The following LINC00632 variants were observed in gnomAD, a reference collection of about 807,000 sequenced individuals.
LINC00632 encodes the protein long independently transcribed non-coding RNA 632.
At chrX:140,783,636 A>G in exon 5 of LINC00632, 1 of 1,210,210 alleles carries the variant, frequency 8.3e-7, no homozygotes, top group Non-Finnish European at 1.1e-6. Flanking sequence ...CCAGTCAATC[A>G]GTGTCTTCCA....
At chrX:140,788,903 A>G (rs76440531) in exon 5 of LINC00632, among the ~76,000 whole-genome samples, 74 of 3,926 alleles carry the variant, frequency 0.019, no homozygotes, top group Middle Eastern at 0.25. Flanking sequence ...ATATATGTGT[A>G]TATATATATA....
At chrX:140,765,895 G>A (rs1178686546) in intron 3 of LINC00632, among the ~76,000 whole-genome samples, 4 of 112,008 alleles carry the variant, frequency 3.6e-5, no homozygotes, top group Non-Finnish European at 5.6e-5. Flanking sequence ...GAAAAATGAG[G>A]TAAGAGGAAG....
At position 140,783,493 on chromosome X, in the gene LINC00632, T is replaced by C. The variant is rs755628834; in HGVS notation, n.11512T>C. The C allele has an allele frequency of 9.1e-5, 86 of 949,944 alleles. No individual in the cohort carries two copies. The South Asian group carries it at 2.0e-3, about 22-fold the overall frequency. The allele number at this position is 949,944 out of a possible 1,213,427, so 78.3% of individuals were successfully genotyped here. On this transcript the variant is annotated non_coding_transcript_exon_variant, in exon 5 of 5. Coordinates refer to ENST00000648200, the Ensembl canonical transcript of LINC00632. ...CAAGGTCTTCCATCAAATACAGATCTTCCAGCTAATCCATGTCTTCCAGAA... is the reference window on the plus strand; with the variant it reads ...CAAGGTCTTCCATCAAATACAGATCCTCCAGCTAATCCATGTCTTCCAGAA...
At chrX:140,728,444 A>T (rs1931002076) in intron 2 of LINC00632, among the ~76,000 whole-genome samples, 1 of 109,235 alleles carries the variant, frequency 9.2e-6, no homozygotes, top group Non-Finnish European at 1.9e-5. Context: ...CCCACAAAAA[A>T]CCATGTGCCC....
intron 2 of LINC00632, among the ~76,000 whole-genome samples, chrX:140,715,338 T>C (rs1303498812): frequency 8.9e-6 from 1 of 112,016 alleles, no homozygotes; most frequent in Admixed American, 9.5e-5. Flanking sequence ...CTCATGCCTG[T>C]AATCCCAGCA....
intron 3 of LINC00632, among the ~76,000 whole-genome samples, chrX:140,759,787 A>G (rs1370039900): frequency 2.7e-5 from 3 of 111,660 alleles, no homozygotes; most frequent in Non-Finnish European, 5.6e-5. Flanking sequence ...TGACAGGACC[A>G]TGGAGATACC....
chrX:140,759,199 C>G, intron 3 of LINC00632, among the ~76,000 whole-genome samples: 1 of 107,500 alleles, frequency 9.3e-6, no homozygotes, highest in African/African-American at 3.4e-5. Context: ...GTCTCGAACT[C>G]CCGACCTCAG....
intron 2 of LINC00632, chrX:140,713,549 G>C (rs1930561989): frequency 2.9e-6 from 1 of 342,483 alleles, no homozygotes; most frequent in Non-Finnish European, 5.9e-6. Flanking sequence ...AAGCAGACTT[G>C]TGTCCGCAGT....
chrX:140,774,682 G>A (rs1569356613), exon 5 of LINC00632, among the ~76,000 whole-genome samples: 1 of 111,775 alleles, frequency 8.9e-6, no homozygotes, highest in Non-Finnish European at 1.9e-5. Context: ...GATCACAAAG[G>A]AAGTTAATTG....
At chrX:140,777,626 A>G (rs1931889953) in exon 5 of LINC00632, among the ~76,000 whole-genome samples, 1 of 112,544 alleles carries the variant, frequency 8.9e-6, no homozygotes, top group African/African-American at 3.2e-5. Flanking sequence ...TGGTTTTCAA[A>G]CTGCCGCTCT....
intron 1 of LINC00632, among the ~76,000 whole-genome samples, chrX:140,711,090 C>T (rs1199359114): frequency 9.0e-6 from 1 of 111,576 alleles, no homozygotes; most frequent in Non-Finnish European, 1.9e-5. Context: ...GCGTGATCCT[C>T]CACTGGTGTA....
intron 2 of LINC00632, among the ~76,000 whole-genome samples, chrX:140,718,288 C>T (rs1930669765): frequency 9.0e-6 from 1 of 111,396 alleles, no homozygotes; most frequent in Admixed American, 9.6e-5. Context: ...AAGACTCAAT[C>T]TAAAACAACT....
chrX:140,734,513 C>T (rs1009060282), intron 3 of LINC00632, among the ~76,000 whole-genome samples: 1 of 110,540 alleles, frequency 9.0e-6, no homozygotes, highest in South Asian at 3.8e-4. Context: ...TTCCATTCAA[C>T]TTCCCTCACA....
At chrX:140,729,877 CTTTTTTT>C (rs1207034823) in intron 2 of LINC00632, among the ~76,000 whole-genome samples, 34 of 90,830 alleles carry the variant, frequency 3.7e-4, no homozygotes, top group East Asian at 3.7e-3. Flanking sequence ...TTTCTTTTTT[CTTTTTTT>C]TTTTTTTTTT....
intron 2 of LINC00632, among the ~76,000 whole-genome samples, chrX:140,723,666 T>C (rs111213645): frequency 0.17 from 214 of 1,258 alleles, no homozygotes; most frequent in East Asian, 0.27. Flanking sequence ...ACATTCCATA[T>C]ACACACATTC....
chrX:140,736,895 CT>C (rs1281266125), intron 3 of LINC00632, among the ~76,000 whole-genome samples: 1 of 101,705 alleles, frequency 9.8e-6, no homozygotes, highest in Non-Finnish European at 2.0e-5. Context: ...TTTTCTTTTT[CT>C]TTTCTTTTTT....
exon 5 of LINC00632, among the ~76,000 whole-genome samples, chrX:140,789,677 A>C (rs1286554610): frequency 8.9e-6 from 1 of 111,922 alleles, no homozygotes; most frequent in African/African-American, 3.2e-5. Context: ...CATTCCTTTA[A>C]ATTATTTTTC....
exon 5 of LINC00632, among the ~76,000 whole-genome samples, chrX:140,786,210 T>C (rs1932016272): frequency 8.9e-6 from 1 of 112,596 alleles, no homozygotes; most frequent in South Asian, 3.6e-4. Flanking sequence ...TCTGAATGTC[T>C]AATGATTTAT....
rs1930797697 is a variant in LINC00632 at position 140,723,613 on chromosome X, A to AACACACATTCCAT, written n.105-10258_105-10257insTTCCATACACACA. 1.2e-4 allele frequency among the ~76,000 whole-genome samples: 3 copies of AACACACATTCCAT among 24,951 alleles called. No homozygotes were observed. The South Asian group carries it at 9.1e-3, about 76-fold the overall frequency. The allele number at this position is 24,951 out of a possible 115,157, so 21.7% of individuals were successfully genotyped here. A position where few individuals can be genotyped will look rare whatever the true frequency, so the allele number is the denominator to read the frequency against. On this transcript the variant is annotated intron_variant and non_coding_transcript_variant, in intron 2 of 4. Transcript: ENST00000648200. ...TCCATACACAGACACACATTCCATA[A>AACACACATTCCAT]ACACACACACATTCCATACACACAC...
Sources: allele counts gnomAD v4.1 joint callset (sites outside exome capture counted in the v4.1 genomes callset), GRCh38; gene constraint gnomAD v4.1.1; transcripts MANE v1.5; gene names NCBI Gene and HGNC (gene_info 2026-07-23, HGNC 2026-07-21).